MAGI2: variants seen among roughly 807,000 people sequenced by gnomAD.
MAGI2 encodes the protein membrane-associated guanylate kinase, WW and PDZ domain-containing protein 2.
MAGI2 carries 35 observed loss-of-function variants against 133.3 expected under a neutral mutation model. The ratio of observed to expected loss-of-function variants is 0.26; its 90% confidence interval spans 0.20 to 0.35. MAGI2 has a LOEUF of 0.35. MAGI2 is among the 10% of genes least tolerant of loss of function. The pLI, the probability that MAGI2 is intolerant of heterozygous loss-of-function variation, is 1.00. For synonymous variants in MAGI2, 729 were observed against 710.6 expected (o/e 1.03, Z -0.41); for missense variants, 1,636 against 1,863.4 (o/e 0.88, Z 2.25).
intron 1 of MAGI2, among the ~76,000 whole-genome samples, chr7:79,325,272 A>G (rs1213975892): frequency 6.6e-6 from 1 of 152,030 alleles, no homozygotes; most frequent in African/African-American, 2.4e-5. Context: ...GTCCCTAAAC[A>G]TAAACTGTGT....
At chr7:78,254,312 A>G (rs1390707299) in intron 10 of MAGI2, 1 of 152,252 alleles carries the variant, frequency 6.6e-6, no homozygotes, top group African/African-American at 2.4e-5. Context: ...TGTTTCTATG[A>G]ATCATACAGT....
chr7:78,714,513 A>G (rs1819517101), intron 2 of MAGI2, among the ~76,000 whole-genome samples: 1 of 152,174 alleles, frequency 6.6e-6, no homozygotes, highest in African/African-American at 2.4e-5. Flanking sequence ...AGCTCTTCAC[A>G]TATAGGCAAC....
At chr7:78,586,325 G>C (rs1485172885) in intron 3 of MAGI2, among the ~76,000 whole-genome samples, 1 of 152,082 alleles carries the variant, frequency 6.6e-6, no homozygotes, top group African/African-American at 2.4e-5. Flanking sequence ...AAAAGACTGT[G>C]GACTTAGAGC....
chr7:78,645,014 T>C (rs1472042950), intron 2 of MAGI2, among the ~76,000 whole-genome samples: 1 of 152,002 alleles, frequency 6.6e-6, no homozygotes, highest in South Asian at 2.1e-4. Context: ...ACAACTTAGA[T>C]GAAATGAACA....
intron 1 of MAGI2, among the ~76,000 whole-genome samples, chr7:79,053,192 C>T (rs1371599480): frequency 6.6e-6 from 1 of 152,066 alleles, no homozygotes; most frequent in African/African-American, 2.4e-5. Context: ...CTAGGATGGT[C>T]TCGATCTCCT....
At chr7:78,655,292 A>G (rs532759069) in intron 2 of MAGI2, among the ~76,000 whole-genome samples, 9 of 152,018 alleles carry the variant, frequency 5.9e-5, no homozygotes, top group African/African-American at 1.4e-4. Context: ...GTCACCTCCA[A>G]TATGATCTAC....
chr7:79,202,517 G>A (rs907532289), intron 1 of MAGI2, among the ~76,000 whole-genome samples: 2 of 151,808 alleles, frequency 1.3e-5, no homozygotes, highest in South Asian at 2.1e-4. Context: ...TGTGAGTTAC[G>A]AACTTCATAT....
chr7:78,534,393 TA>T (rs1389305257), intron 3 of MAGI2, among the ~76,000 whole-genome samples: 7 of 152,268 alleles, frequency 4.6e-5, no homozygotes, highest in African/African-American at 1.7e-4. Flanking sequence ...CCAATGTTCT[TA>T]AACTTGTCCT....
At chr7:79,309,979 A>AGAAAG (rs1838118821) in intron 1 of MAGI2, among the ~76,000 whole-genome samples, 5 of 141,188 alleles carry the variant, frequency 3.5e-5, no homozygotes, top group Admixed American at 3.0e-4. Context: ...AAAAAAAAAA[A>AGAAAG]AAAAGAAAAG....
At chr7:78,550,671 T>C (rs778607052) in intron 3 of MAGI2, among the ~76,000 whole-genome samples, 33 of 152,200 alleles carry the variant, frequency 2.2e-4, no homozygotes, top group Non-Finnish European at 3.7e-4. Context: ...TTTGTGATCC[T>C]TGATACTGTT....
chr7:78,284,460 T>C (rs1795949072), intron 9 of MAGI2, among the ~76,000 whole-genome samples: 1 of 151,378 alleles, frequency 6.6e-6, no homozygotes, highest in Admixed American at 6.6e-5. Context: ...CTTTTTTTTT[T>C]TTTTTAAAAT....
chr7:78,121,472 C>T (rs540464123), intron 20 of MAGI2, among the ~76,000 whole-genome samples: 7 of 151,918 alleles, frequency 4.6e-5, no homozygotes, highest in East Asian at 1.9e-4. Context: ...AGAACATGAA[C>T]GTCTAATAAA....
chr7:78,113,371 A>G (rs1819546298), intron 20 of MAGI2, among the ~76,000 whole-genome samples: 1 of 152,176 alleles, frequency 6.6e-6, no homozygotes, highest in African/African-American at 2.4e-5. Context: ...GCCTCTTGAC[A>G]TACATACTTA....
intron 6 of MAGI2, among the ~76,000 whole-genome samples, chr7:78,453,364 G>T (rs138180635): frequency 6.3e-4 from 96 of 152,280 alleles, no homozygotes; most frequent in Middle Eastern, 3.4e-3. Flanking sequence ...GAAAGCAACT[G>T]GAACAATTCT....
chr7:78,052,954 T>C (rs1584952582), intron 21 of MAGI2, among the ~76,000 whole-genome samples: 1 of 152,070 alleles, frequency 6.6e-6, no homozygotes, highest in Non-Finnish European at 1.5e-5. Context: ...TGTATAGAAC[T>C]AAATGCTGAG....
At chr7:78,471,497 A>T (rs11763781) in intron 6 of MAGI2, among the ~76,000 whole-genome samples, 8 of 152,024 alleles carry the variant, frequency 5.3e-5, no homozygotes, top group African/African-American at 1.5e-4. Flanking sequence ...TGAAGTAGAG[A>T]GCAAGAATGT....
At chr7:79,257,638 A>G (rs1833785299) in intron 1 of MAGI2, among the ~76,000 whole-genome samples, 2 of 152,198 alleles carry the variant, frequency 1.3e-5, no homozygotes, top group African/African-American at 4.8e-5. Flanking sequence ...TTAGAGAGTA[A>G]CATCCAAAAC....
rs183493200 is a variant in MAGI2 at position 78,569,422 on chromosome 7, C to T, written c.539-47777G>A. ...ATGCATGTGCAAGGACACACAGACA[C>T]GCTAAACACCCCACACTAATGGCAA... On this transcript the variant is annotated intron_variant, in intron 3 of 21. Transcript: ENST00000354212. Among the ~76,000 whole-genome samples the T allele has an allele frequency of 1.7e-3, 259 of 152,264 alleles. 1 individual carries two copies. Among genetic ancestry groups the T allele is most frequent in the Middle Eastern group, 6.8e-3 (2 of 294 alleles).
intron 1 of MAGI2, among the ~76,000 whole-genome samples, chr7:79,149,613 G>A (rs1822997112): frequency 6.6e-6 from 1 of 152,160 alleles, no homozygotes; most frequent in South Asian, 2.1e-4. Flanking sequence ...CAATTCTTTT[G>A]ATTATATCAA....
Sources: allele counts gnomAD v4.1 joint callset (sites outside exome capture counted in the v4.1 genomes callset), GRCh38; gene constraint gnomAD v4.1.1; transcripts MANE v1.5; gene names NCBI Gene and HGNC (gene_info 2026-07-23, HGNC 2026-07-21).